Variants in INPP5F observed in about 807,000 individuals in gnomAD.
The protein encoded by INPP5F is inositol polyphosphate-5-phosphatase F.
In INPP5F, 97 loss-of-function variants were observed where a neutral mutation model predicts 137.2. That is an observed-to-expected ratio of 0.71 (90% CI 0.60 to 0.84). The LOEUF (loss-of-function observed/expected upper bound fraction) is 0.84, where lower values mean the gene tolerates loss of function less well. INPP5F is among the 40% of genes least tolerant of loss of function. The pLI, the probability that INPP5F is intolerant of heterozygous loss-of-function variation, is 0.00. For synonymous variants in INPP5F, 504 were observed against 476.9 expected (o/e 1.06, Z -0.74); for missense variants, 1,271 against 1,371.9 (o/e 0.93, Z 1.16).
chr10:119,774,261 CAAAAAAA>C (rs572329987), intron 2 of INPP5F, among the ~76,000 whole-genome samples: 2 of 82,136 alleles, frequency 2.4e-5, no homozygotes, highest in African/African-American at 9.6e-5. Flanking sequence ...ACTCAGTCTC[CAAAAAAA>C]AAAAAAAAAA....
chr10:119,742,882 C>G (rs196228), intron 1 of INPP5F, among the ~76,000 whole-genome samples: 62 of 152,256 alleles, frequency 4.1e-4, no homozygotes, highest in Admixed American at 7.2e-4. Flanking sequence ...ATCCCAGCTA[C>G]TTGGGAGGCT....
rs761865635 is a variant in INPP5F, at chr10:119,797,532, A to T, written c.940A>T (p.Ile314Phe). Residue 314 changes from isoleucine (I) to phenylalanine (F), a missense_variant, in exon 8 of 20, where the codon ATT (isoleucine) becomes TTT (phenylalanine). By Grantham distance (21) the Ile-to-Phe change is conservative (BLOSUM62 0). Around this residue, in one of 6 missense-constraint regions of INPP5F, gnomAD observed 593 missense variants for 712.4 expected, o/e 0.83. Transcript: ENST00000650623. ...CAATTATGTGGAGACTGAGCAGTTGATTCATGTTCATAATCATACCCTGTC... is the reference window on the plus strand; with the variant it reads ...CAATTATGTGGAGACTGAGCAGTTGTTTCATGTTCATAATCATACCCTGTC... ...VANYVETEQLIHVHNHTLSFV... is the reference protein window; with the variant it reads ...VANYVETEQLFHVHNHTLSFV... 9 of 1,612,572 alleles carry T rather than the reference A, an allele frequency of 5.6e-6. No individual in the cohort carries two copies. Among genetic ancestry groups the T allele is most frequent in the Non-Finnish European group, 7.6e-6 (9 of 1,179,196 alleles).
Position 119,804,236 on chromosome 10 carries a change from C to T in INPP5F, c.1180C>T (p.Gln394Ter). The T allele has an allele frequency of 2.5e-6, 4 of 1,611,852 alleles. No homozygotes were observed. The highest frequency in any genetic ancestry group is 3.4e-6 in the Non-Finnish European group (4 of 1,178,428). The part of the protein sequence containing the change: ...EKIIGDAYLK[Q>*]VLLFNNSHLT... ...GATTATTGGCGATGCTTACCTGAAGCAAGTGTTGCTTTTCAACAACTCACA... is the reference window on the plus strand; with the variant it reads ...GATTATTGGCGATGCTTACCTGAAGTAAGTGTTGCTTTTCAACAACTCACA... Residue 394 changes from glutamine (Q) to a stop codon, truncating the protein, a stop_gained, in exon 10 of 20, where the codon CAA becomes TAA. Coordinates refer to ENST00000650623, the MANE Select transcript of INPP5F (RefSeq NM_014937.4). LOFTEE classifies it high-confidence loss of function.
At position 119,796,756 on chromosome 10, in the gene INPP5F, T is replaced by C. The variant is rs1381241389; in HGVS notation, c.711T>C (p.Gly237=). 1.9e-6 allele frequency: 3 copies of C among 1,613,616 alleles called. No homozygotes were observed. The highest frequency in any genetic ancestry group is 2.5e-6 in the Non-Finnish European group (3 of 1,179,918). Residue 237 remains glycine, a synonymous_variant, in exon 7 of 20, where the codon GGT becomes GGC. Coordinates refer to ENST00000650623, the MANE Select transcript of INPP5F (RefSeq NM_014937.4). ...VDFWIIPMIQ[G]FVQIEELVVN... ...TTTGGATTATCCCCATGATCCAAGG[T>C]TTTGTGCAGATTGAAGAACTTGTGG...
intron 15 of INPP5F, among the ~76,000 whole-genome samples, chr10:119,817,837 AT>A (rs1417893934): frequency 2.6e-5 from 4 of 152,158 alleles, no homozygotes; most frequent in Non-Finnish European, 5.9e-5. Flanking sequence ...ATTAATTTTG[AT>A]TTTAAAAAAT....
chr10:119,765,737 T>G (rs1849138617), intron 2 of INPP5F, among the ~76,000 whole-genome samples: 1 of 115,538 alleles, frequency 8.7e-6, no homozygotes, highest in African/African-American at 3.4e-5. Context: ...TGTTCAAGGG[T>G]AAACTGTGTG....
intron 9 of INPP5F, among the ~76,000 whole-genome samples, chr10:119,799,985 A>G (rs1554892532): frequency 6.6e-6 from 1 of 152,012 alleles, no homozygotes; most frequent in Non-Finnish European, 1.5e-5. Context: ...ACTCTAATGA[A>G]AAAAATGATA....
chr10:119,735,481 A>C (rs34777777), intron 1 of INPP5F, among the ~76,000 whole-genome samples: 146 of 152,330 alleles, frequency 9.6e-4, no homozygotes, highest in Non-Finnish European at 1.9e-3. Flanking sequence ...TCTAACTGAA[A>C]TGTTAGGAAA....
In INPP5F at chr10:119,827,481, G is replaced by T; in HGVS notation, c.3100G>T (p.Val1034Phe). ...TTTGTCAGTTGAGCCAGCGCATTCA[G>T]TTGCATCTCAAAAAACCCCCACCTC... ...QFLSVEPAHS[V>F]ASQKTPTSAS... is the part of the protein sequence containing the mutation. Residue 1034 changes from valine (V) to phenylalanine (F), a missense_variant, in exon 20 of 20, where the codon GTT becomes TTT. Val to Phe is a conservative substitution (Grantham distance 50). Around this residue, in one of 6 missense-constraint regions of INPP5F, gnomAD observed 490 missense variants for 443.7 expected, o/e 1.10. Transcript: ENST00000650623. 6.2e-7 allele frequency: 1 copy of T among 1,614,182 alleles called. No homozygotes were observed. Among genetic ancestry groups the T allele is most frequent in the South Asian group, 1.1e-5 (1 of 91,072 alleles).
chr10:119,759,221 G>A (rs1053185734), intron 2 of INPP5F, among the ~76,000 whole-genome samples: 34 of 152,102 alleles, frequency 2.2e-4, no homozygotes, highest in African/African-American at 7.5e-4. Context: ...GGGTTTTGCC[G>A]TGTTGCTCAG....
chr10:119,783,437 A>G (rs1053197728), intron 3 of INPP5F, among the ~76,000 whole-genome samples: 4 of 152,220 alleles, frequency 2.6e-5, no homozygotes, highest in Non-Finnish European at 5.9e-5. Flanking sequence ...TCTGCCAGTC[A>G]TGATTTGCAT....
In INPP5F at chr10:119,797,556, T is replaced by G; in HGVS notation, c.964T>G (p.Ser322Ala). Residue 322 changes from serine to alanine, a missense_variant, in exon 8 of 20, where the codon TCA becomes GCA. Transcript: ENST00000650623. ...GATTCATGTTCATAATCATACCCTG[T>G]CATTTGTTCAAACACGAGGCTCTGT... ...QLIHVHNHTL[S>A]FVQTRGSVPV... is the part of the protein sequence containing the mutation. 1 of 1,613,306 alleles carries G rather than the reference T, an allele frequency of 6.2e-7. No homozygotes were observed. The highest frequency in any genetic ancestry group is 8.5e-7 in the Non-Finnish European group (1 of 1,179,618).
At chr10:119,763,939 A>G (rs1011753201) in intron 2 of INPP5F, among the ~76,000 whole-genome samples, 4 of 152,246 alleles carry the variant, frequency 2.6e-5, no homozygotes, top group African/African-American at 7.2e-5. Context: ...TTGCCACTTT[A>G]TAACCAGGAT....
chr10:119,775,916 A>G (rs1849508693), intron 2 of INPP5F, among the ~76,000 whole-genome samples: 1 of 152,198 alleles, frequency 6.6e-6, no homozygotes, highest in African/African-American at 2.4e-5. Context: ...AGTGGTATTA[A>G]AAATATAGAC....
chr10:119,762,148 C>T (rs1789032125), intron 2 of INPP5F, among the ~76,000 whole-genome samples: 1 of 152,178 alleles, frequency 6.6e-6, no homozygotes, highest in Admixed American at 6.5e-5. Flanking sequence ...GCAGTTCAAA[C>T]TTGTGTTGTT....
chr10:119,823,117 A>G lies in INPP5F; in HGVS notation c.2079A>G (p.Arg693=), dbSNP rs779747704. The G allele has an allele frequency of 9.9e-6, 16 of 1,614,122 alleles. No individual in the cohort carries two copies. The highest frequency in any genetic ancestry group is 3.3e-4 in the Middle Eastern group (2 of 6,060). ...GTAAGCCAAAGTTCTCCTGCATGCG[A>G]CTGCACTACAGATACAAAGAAGCGA... The part of the protein sequence containing the change: ...LFGKPKFSCM[R]LHYRYKEASG... The change falls in exon 18 of 20, where the codon CGA becomes CGG. Residue 693 remains arginine, a synonymous_variant. Transcript: ENST00000650623.
At chr10:119,813,265 C>G (rs1193925484) in intron 15 of INPP5F, among the ~76,000 whole-genome samples, 5 of 152,082 alleles carry the variant, frequency 3.3e-5, no homozygotes, top group Non-Finnish European at 2.9e-5. Flanking sequence ...AAGTTTGCAA[C>G]AAAGTCTGGG....
chr10:119,742,994 C>G (rs1483464042), intron 1 of INPP5F, among the ~76,000 whole-genome samples: 1 of 151,586 alleles, frequency 6.6e-6, no homozygotes, highest in African/African-American at 2.4e-5. Context: ...CTCCATCTGG[C>G]TAAGAAAAAA....
At chr10:119,731,435 G>A (rs1848062863) in intron 1 of INPP5F, among the ~76,000 whole-genome samples, 1 of 152,170 alleles carries the variant, frequency 6.6e-6, no homozygotes, top group South Asian at 2.1e-4. Context: ...AGGCCGAGGT[G>A]GATGGATCAC....
Sources: gnomAD v4.1 joint callset for allele counts (sites outside exome capture counted in the v4.1 genomes callset) on GRCh38, gnomAD v4.1.1 for gene constraint, gnomAD v4.1.1 regional missense constraint, MANE v1.5 for transcripts, NCBI Gene and HGNC (gene_info 2026-07-23, HGNC 2026-07-21) for gene names.